Variants in GYPB observed in about 807,000 individuals in gnomAD.
The protein encoded by GYPB is glycophorin-B.
GYPB carries 13 observed loss-of-function variants against 15.3 expected under a neutral mutation model. The observed-to-expected ratio is 0.85, with a 90% CI of 0.55 to 1.35. The LOEUF (loss-of-function observed/expected upper bound fraction) is 1.35, where lower values mean the gene tolerates loss of function less well. Among genes scored for constraint, GYPB ranks in the 40% most tolerant of loss-of-function variants. The probability of loss-of-function intolerance (pLI) is 0.00; values close to 1 mark genes in which losing one functional copy is unlikely to be tolerated. For missense variants in GYPB, 131 were observed against 108.3 expected, an observed-to-expected ratio of 1.21 and a Z score of -0.93; for synonymous variants, 38 against 36.9, an observed-to-expected ratio of 1.03 and a Z score of -0.11.
At chr4:143,997,438 C>T (rs1452130986) in intron 4 of GYPB, 102 bp downstream of exon 4, 1 of 696,302 alleles carries the variant, frequency 1.4e-6, no homozygotes, top group Non-Finnish European at 2.6e-6. Context: ...GAATTTTATG[C>T]AGTTCTGTTT....
chr4:144,016,290 A>C (rs1456565620), intron 1 of GYPB, among the ~76,000 whole-genome samples: 1 of 150,768 alleles, frequency 6.6e-6, no homozygotes. Flanking sequence ...GTGTCTAACC[A>C]GATGAAAACA....
intron 1 of GYPB, among the ~76,000 whole-genome samples, chr4:144,001,981 A>AAC (rs1428230701): frequency 1.3e-5 from 2 of 149,502 alleles, no homozygotes; most frequent in Non-Finnish European, 3.0e-5. Flanking sequence ...AAAAAAAAAA[A>AAC]AAAAAAAACC....
At chr4:144,006,301 A>C (rs1727912479) in intron 1 of GYPB, among the ~76,000 whole-genome samples, 1 of 151,962 alleles carries the variant, frequency 6.6e-6, no homozygotes, top group Non-Finnish European at 1.5e-5. Context: ...ATGTTCCAGA[A>C]CATTTCACCT....
chr4:143,996,273 G>A lies in GYPB; in HGVS notation c.*26C>T. The A allele has an allele frequency of 6.4e-7, 1 of 1,550,924 alleles. No homozygotes were observed. Among genetic ancestry groups the A allele is most frequent in the African/African-American group, 1.4e-5 (1 of 72,092 alleles). On this transcript the variant is annotated 3_prime_UTR_variant, in exon 5 of 5. Transcript: ENST00000502664. ...AGCAGGTGCAGCCGGTTCTAGGCAA[G>A]ATCAGGCAGCATGCAGGCCACATCC...
intron 1 of GYPB, among the ~76,000 whole-genome samples, chr4:144,003,459 T>C (rs1194650797): frequency 6.6e-6 from 1 of 151,252 alleles, no homozygotes; most frequent in Non-Finnish European, 1.5e-5. Context: ...CCTGAGGCTT[T>C]AAAGGGGGCA....
intron 1 of GYPB, among the ~76,000 whole-genome samples, chr4:144,017,586 T>A (rs917686364): frequency 3.3e-5 from 5 of 151,040 alleles, no homozygotes; most frequent in African/African-American, 1.2e-4. Flanking sequence ...AGGCTTTAAT[T>A]CACTATCTGC....
At chr4:144,015,624 A>C (rs1022672050) in intron 1 of GYPB, among the ~76,000 whole-genome samples, 10 of 151,488 alleles carry the variant, frequency 6.6e-5, no homozygotes, top group African/African-American at 2.5e-4. Context: ...AAATTTCCTA[A>C]TTTAAAATCA....
At position 144,017,282 on chromosome 4, in the gene GYPB, C is replaced by T. The variant is rs576529070; in HGVS notation, c.37+1969G>A. 1.1e-4 allele frequency among the ~76,000 whole-genome samples: 17 copies of T among 148,312 alleles called. 1 individual carries two copies. Among genetic ancestry groups the T allele is most frequent in the African/African-American group, 2.0e-4 (8 of 39,090 alleles). On this transcript the variant is annotated intron_variant, in intron 1 of 4. Transcript: ENST00000502664. ...CTGGTAAGTTTAGAATTAGAAATAT[C>T]GGCTTTATTCTTAAGATTCCTGGAG...
chr4:144,011,993 T>A (rs564961127), intron 1 of GYPB, among the ~76,000 whole-genome samples: 5 of 152,276 alleles, frequency 3.3e-5, no homozygotes, highest in African/African-American at 1.2e-4. Flanking sequence ...TTTTGGTTTT[T>A]AAAAATATAA....
intron 1 of GYPB, among the ~76,000 whole-genome samples, chr4:144,009,542 T>G (rs1382291803): frequency 6.7e-6 from 1 of 149,818 alleles, no homozygotes; most frequent in East Asian, 1.9e-4. Flanking sequence ...TTGTGGGCAG[T>G]AGAATTTGAA....
chr4:144,004,755 A>T (rs1727806923), intron 1 of GYPB, among the ~76,000 whole-genome samples: 2 of 151,874 alleles, frequency 1.3e-5, no homozygotes, highest in Admixed American at 1.3e-4. Flanking sequence ...TGATAACAAC[A>T]GCTCACACAA....
intron 3 of GYPB, 127 bp from the exon 4 acceptor site, chr4:143,997,761 A>T: frequency 1.6e-6 from 1 of 642,446 alleles, no homozygotes; most frequent in Non-Finnish European, 2.9e-6. Flanking sequence ...ACATACTATT[A>T]TGTGTATTTT....
At chr4:144,011,702 C>G (rs1912737) in intron 1 of GYPB, among the ~76,000 whole-genome samples, 7 of 151,216 alleles carry the variant, frequency 4.6e-5, no homozygotes, top group Admixed American at 6.6e-5. Context: ...CAATCACAAG[C>G]TATTGATTTA....
At chr4:144,000,406 A>G in intron 2 of GYPB, 1 of 1,120,156 alleles carries the variant, frequency 8.9e-7, no homozygotes, top group South Asian at 1.6e-5. Context: ...TGGAGGGGAA[A>G]CAGTTGTAAC....
At chr4:143,995,571 C>T (rs1276066069), downstream of GYPB, among the ~76,000 whole-genome samples, 1 of 151,204 alleles carries the variant, frequency 6.6e-6, no homozygotes, top group Non-Finnish European at 1.5e-5. Context: ...CTGACCCAGC[C>T]ATCTCAGTAA....
At chr4:143,997,373 A>G (rs1727377929) in intron 4 of GYPB, 167 bp downstream of exon 4, 2 of 521,628 alleles carry the variant, frequency 3.8e-6, no homozygotes, top group South Asian at 4.7e-5. Flanking sequence ...AAATGCAAAA[A>G]AAAAATTCTG....
At chr4:144,018,737 T>TG (rs1728632923) in intron 1 of GYPB, among the ~76,000 whole-genome samples, 1 of 151,282 alleles carries the variant, frequency 6.6e-6, no homozygotes, top group Non-Finnish European at 1.5e-5. Flanking sequence ...TTTTTGTTTT[T>TG]TTTCTTCCTA....
chr4:143,999,067 C>G (rs577312247), intron 3 of GYPB, among the ~76,000 whole-genome samples: 4 of 151,126 alleles, frequency 2.6e-5, no homozygotes, highest in South Asian at 2.1e-4. Flanking sequence ...CATGCCCCAT[C>G]CCAGCTAATT....
chr4:144,019,356 G>T lies in GYPB; in HGVS notation c.-69C>A, dbSNP rs1385577389. The T allele has an allele frequency of 3.2e-5, 52 of 1,611,188 alleles. No homozygotes were observed. Among genetic ancestry groups the T allele is most frequent in the Middle Eastern group, 1.6e-4 (1 of 6,066 alleles). On this transcript the variant is annotated 5_prime_UTR_variant, in exon 1 of 5. Coordinates refer to ENST00000502664, the MANE Select transcript of GYPB (RefSeq NM_002100.6). ...ACCAAAGACAACTGCAAGTGTCAGTGTCTGGCCTTAGCCTACTAGCTGTTA... is the reference window on the plus strand; with the variant it reads ...ACCAAAGACAACTGCAAGTGTCAGTTTCTGGCCTTAGCCTACTAGCTGTTA...
Sources: allele counts gnomAD v4.1 joint callset (sites outside exome capture counted in the v4.1 genomes callset), GRCh38; gene constraint gnomAD v4.1.1; transcripts MANE v1.5; gene names NCBI Gene and HGNC (gene_info 2026-07-23, HGNC 2026-07-21).